The following CXADR variants were observed in gnomAD, a reference collection of about 807,000 sequenced individuals.
The protein encoded by CXADR is coxsackievirus and adenovirus receptor.
In CXADR, 20 loss-of-function variants were observed where a neutral mutation model predicts 40.3. That is an observed-to-expected ratio of 0.50 (90% CI 0.35 to 0.72). The LOEUF is 0.72. CXADR is among the 30% of genes least tolerant of loss of function. The probability of loss-of-function intolerance (pLI) is 0.01; values close to 1 mark genes in which losing one functional copy is unlikely to be tolerated. For synonymous variants in CXADR, 150 were observed against 161.3 expected (o/e 0.93, Z 0.53); for missense variants, 332 against 449.1 (o/e 0.74, Z 2.36).
the CXADR span, among the ~76,000 whole-genome samples, chr21:17,615,963 A>G: frequency 1.3e-5 from 2 of 152,182 alleles, no homozygotes; most frequent in Admixed American, 1.3e-4. Context: ...TAAAAGCAAA[A>G]CAGTCGGCGG....
chr21:17,596,517 T>C (rs934591371), downstream of CXADR, among the ~76,000 whole-genome samples: 1 of 152,048 alleles, frequency 6.6e-6, no homozygotes, highest in African/African-American at 2.4e-5. Flanking sequence ...GATCATCCAG[T>C]TGTTTCAGCA....
the CXADR span, among the ~76,000 whole-genome samples, chr21:17,618,843 A>G: frequency 6.6e-6 from 1 of 152,188 alleles, no homozygotes; most frequent in Non-Finnish European, 1.5e-5. Flanking sequence ...CCATGAATGT[A>G]TTTCTTAAAT....
At position 17,569,855 on chromosome 21, in the gene CXADR, T is replaced by C; in HGVS notation, c.*4163T>C. 4 of 984,758 alleles carry C rather than the reference T, an allele frequency of 4.1e-6. No individual in the cohort carries two copies. Among genetic ancestry groups the C allele is most frequent in the Non-Finnish European group, 4.8e-6 (4 of 829,298 alleles). 61.0% of individuals were successfully genotyped at this position (984,758 alleles called of 1,614,324 possible). A position where few individuals can be genotyped will look rare whatever the true frequency, so the allele number is the denominator to read the frequency against. The stretch of plus-strand genomic sequence containing the variant: ...GAACCACAATTCATTGATTCACTTA[T>C]TCTTTTCCCTAATTGTGAATTTTAG... On this transcript the variant is annotated 3_prime_UTR_variant, in exon 7 of 7. Coordinates refer to ENST00000284878, the MANE Select transcript of CXADR (RefSeq NM_001338.5).
intron 1 of CXADR, among the ~76,000 whole-genome samples, chr21:17,533,751 T>C (rs1600971059): frequency 6.6e-6 from 1 of 152,064 alleles, no homozygotes; most frequent in South Asian, 2.1e-4. Flanking sequence ...GTTTATTTCC[T>C]GGGGGCCTGC....
chr21:17,589,460 A>C (rs1482618157), intron 7 of CXADR, among the ~76,000 whole-genome samples: 2 of 152,110 alleles, frequency 1.3e-5, no homozygotes, highest in African/African-American at 2.4e-5. Flanking sequence ...TTTAAAGATC[A>C]AAATGTTGAA....
intron 1 of CXADR, among the ~76,000 whole-genome samples, chr21:17,528,363 C>T (rs11908727): frequency 0.02 from 3,064 of 151,686 alleles, 108 homozygotes; most frequent in African/African-American, 0.067. Flanking sequence ...TGTGAGCCAC[C>T]GCGCCCGGCA....
chr21:17,621,008 T>TA, the CXADR span, among the ~76,000 whole-genome samples: 1 of 152,200 alleles, frequency 6.6e-6, no homozygotes, highest in African/African-American at 2.4e-5. Flanking sequence ...ATTTCTTCTC[T>TA]AAAAAACCTC....
chr21:17,634,753 A>T, the CXADR span, among the ~76,000 whole-genome samples: 117 of 152,042 alleles, frequency 7.7e-4, no homozygotes, highest in Non-Finnish European at 9.9e-4. Flanking sequence ...TTAATTTTTA[A>T]TTTTTTTTAG....
the CXADR span, among the ~76,000 whole-genome samples, chr21:17,620,063 A>T: frequency 6.6e-6 from 1 of 152,176 alleles, no homozygotes; most frequent in Admixed American, 6.5e-5. Flanking sequence ...TCATTCATGT[A>T]TTCCCTGGAG....
At chr21:17,616,335 C>CTTT in the CXADR span, among the ~76,000 whole-genome samples, 8 of 122,856 alleles carry the variant, frequency 6.5e-5, no homozygotes, top group Non-Finnish European at 1.2e-4. Context: ...ATACAAAAGT[C>CTTT]TTTTTTTTTT....
the CXADR span, among the ~76,000 whole-genome samples, chr21:17,630,060 G>A: frequency 6.6e-6 from 1 of 152,068 alleles, no homozygotes; most frequent in Admixed American, 6.6e-5. Context: ...ATGTAGTTGG[G>A]ACATTAAGAG....
chr21:17,523,709 T>C (rs2060559251), intron 1 of CXADR, among the ~76,000 whole-genome samples: 1 of 152,094 alleles, frequency 6.6e-6, no homozygotes, highest in Non-Finnish European at 1.5e-5. Context: ...ATTAAAATAA[T>C]GCAGAAAACA....
At chr21:17,604,128 ATCAC>A in the CXADR span, 1 of 1,285,392 alleles carries the variant, frequency 7.8e-7, no homozygotes, top group Middle Eastern at 2.2e-4. Context: ...ACCACGAAGT[ATCAC>A]TCAGTCACTT....
rs1206143989 is a variant in CXADR, at chr21:17,566,458, T to C, written c.*766T>C. On this transcript the variant is annotated 3_prime_UTR_variant, in exon 7 of 7. Transcript: ENST00000284878. ...TAGGTGCAATAGCAGGGATAGATTT[T>C]GTTGGTGAGTAGTCTCATGCCTTGA... 2.0e-6 allele frequency: 2 copies of C among 985,346 alleles called. No homozygotes were observed. Among genetic ancestry groups the C allele is most frequent in the Non-Finnish European group, 1.2e-6 (1 of 829,954 alleles). The allele number at this position is 985,346 out of a possible 1,614,324, so 61.0% of individuals were successfully genotyped here. A position where few individuals can be genotyped will look rare whatever the true frequency, so the allele number is the denominator to read the frequency against.
the CXADR span, among the ~76,000 whole-genome samples, chr21:17,617,229 A>G: frequency 2.2e-4 from 34 of 152,336 alleles, 1 homozygote; most frequent in Admixed American, 2.0e-3. Flanking sequence ...CAGACACTCT[A>G]TGCTTAGGTA....
At chr21:17,605,056 A>G in the CXADR span, 21 of 1,561,300 alleles carry the variant, frequency 1.3e-5, no homozygotes, top group South Asian at 7.0e-5. Context: ...AAACGCCGTA[A>G]TATCTATTCA....
chr21:17,593,575 T>G (rs2061463146), exon 8 of CXADR: 1 of 165,520 alleles, frequency 6.0e-6, no homozygotes, highest in Admixed American at 6.4e-5. Context: ...GTTTAATGTT[T>G]TTGCTATTTA....
chr21:17,605,182 A>G, the CXADR span: 1 of 621,686 alleles, frequency 1.6e-6, no homozygotes, highest in East Asian at 3.2e-5. Flanking sequence ...AGGCAGCCTG[A>G]AAAAAAGATG....
rs1242288001 is a variant in CXADR, at chr21:17,551,807, G to A, written c.269G>A (p.Arg90Gln). 12 of 1,613,652 alleles carry A rather than the reference G, an allele frequency of 7.4e-6. No individual in the cohort carries two copies. The Admixed American group carries it at 8.3e-5, about 11-fold the overall frequency. ...GACTACTATCCAGATCTGAAAGGCC[G>A]AGTACATTTTACGAGTAATGATCTC... ...YDDYYPDLKG[R>Q]VHFTSNDLKS... The change falls in exon 3 of 7, where the codon CGA (arginine) becomes CAA (glutamine). Residue 90 changes from arginine to glutamine, a missense_variant. Transcript: ENST00000284878.
Sources: allele counts gnomAD v4.1 joint callset (sites outside exome capture counted in the v4.1 genomes callset), GRCh38; gene constraint gnomAD v4.1.1; transcripts MANE v1.5; gene names NCBI Gene and HGNC (gene_info 2026-07-23, HGNC 2026-07-21).